Variants in NLGN1 observed in about 807,000 individuals in gnomAD.
NLGN1 encodes neuroligin-1.
In NLGN1, 12 loss-of-function variants were observed where a neutral mutation model predicts 65.5. That is an observed-to-expected ratio of 0.18 (90% CI 0.12 to 0.30). The LOEUF (loss-of-function observed/expected upper bound fraction) is 0.30. NLGN1 is among the 10% of genes least tolerant of loss of function. NLGN1 has a pLI of 1.00. For missense variants in NLGN1, 750 were observed against 1,007.1 expected (o/e 0.74, Z 3.46); for synonymous variants, 350 against 359.5 (o/e 0.97, Z 0.30).
intron 3 of NLGN1, among the ~76,000 whole-genome samples, chr3:173,772,161 A>C (rs1464948828): frequency 6.6e-6 from 1 of 152,274 alleles, no homozygotes; most frequent in African/African-American, 2.4e-5. Flanking sequence ...CCTTTTGTGG[A>C]TGTTAATCAA....
intron 4 of NLGN1, among the ~76,000 whole-genome samples, chr3:174,042,599 C>T (rs530707967): frequency 3.3e-5 from 5 of 152,248 alleles, no homozygotes; most frequent in South Asian, 4.1e-4. Context: ...TGTTCTTTCC[C>T]GATTTTTACC....
At chr3:174,238,857 G>T (rs898147377) in intron 4 of NLGN1, among the ~76,000 whole-genome samples, 1 of 152,018 alleles carries the variant, frequency 6.6e-6, no homozygotes, top group Non-Finnish European at 1.5e-5. Flanking sequence ...ATAATAAGAT[G>T]ATATCAACTG....
chr3:174,263,409 A>G (rs1321994896), intron 4 of NLGN1, among the ~76,000 whole-genome samples: 3 of 149,454 alleles, frequency 2.0e-5, no homozygotes, highest in African/African-American at 7.4e-5. Context: ...AGCTCTTCTT[A>G]TTGAATTGAT....
intron 1 of NLGN1, among the ~76,000 whole-genome samples, chr3:173,420,148 C>T (rs1473148462): frequency 6.6e-6 from 1 of 150,584 alleles, no homozygotes; most frequent in Non-Finnish European, 1.5e-5. Flanking sequence ...CATATGTATA[C>T]ATGTGCCATG....
At chr3:173,976,824 C>T (rs1357925814) in intron 4 of NLGN1, among the ~76,000 whole-genome samples, 1 of 152,038 alleles carries the variant, frequency 6.6e-6, no homozygotes, top group Admixed American at 6.6e-5. Flanking sequence ...TACTTTCTAA[C>T]CTCTTAATAA....
intron 3 of NLGN1, among the ~76,000 whole-genome samples, chr3:173,785,138 C>A (rs924275764): frequency 4.6e-5 from 7 of 152,176 alleles, no homozygotes; most frequent in Admixed American, 2.0e-4. Context: ...AATAATAGTT[C>A]AAAAGCCGCC....
intron 3 of NLGN1, among the ~76,000 whole-genome samples, chr3:173,722,297 G>T (rs951716471): frequency 7.4e-6 from 1 of 134,940 alleles, no homozygotes; most frequent in Admixed American, 8.4e-5. Context: ...AGGCTGGAGT[G>T]CAATGGCGTG....
chr3:174,187,367 CTT>C (rs1040024887), intron 4 of NLGN1, among the ~76,000 whole-genome samples: 2 of 151,988 alleles, frequency 1.3e-5, no homozygotes, highest in Non-Finnish European at 2.9e-5. Context: ...GGATTATTGA[CTT>C]ATAATCTGGA....
intron 4 of NLGN1, among the ~76,000 whole-genome samples, chr3:174,254,093 G>A (rs953490277): frequency 5.9e-5 from 9 of 152,096 alleles, no homozygotes; most frequent in African/African-American, 1.9e-4. Flanking sequence ...CTTGGCGTTG[G>A]TAAACAAGAT....
intron 4 of NLGN1, among the ~76,000 whole-genome samples, chr3:173,977,661 A>G (rs979906783): frequency 6.6e-6 from 1 of 152,000 alleles, no homozygotes; most frequent in East Asian, 1.9e-4. Context: ...AAAAAAATGG[A>G]CAAAGCACAA....
At chr3:173,988,168 C>T (rs1347730779) in intron 4 of NLGN1, among the ~76,000 whole-genome samples, 1 of 151,942 alleles carries the variant, frequency 6.6e-6, no homozygotes, top group Non-Finnish European at 1.5e-5. Flanking sequence ...GACACAAAGG[C>T]CAGTGTAAAC....
chr3:173,899,445 A>G (rs1325540147), intron 4 of NLGN1, among the ~76,000 whole-genome samples: 1 of 152,112 alleles, frequency 6.6e-6, no homozygotes, highest in East Asian at 1.9e-4. Flanking sequence ...CAATTTTTTA[A>G]ACCAATTCTC....
chr3:174,075,988 T>A (rs1413929134), intron 4 of NLGN1, among the ~76,000 whole-genome samples: 1 of 152,152 alleles, frequency 6.6e-6, no homozygotes. Context: ...CTAGGCGACA[T>A]CACTTTATTT....
Position 174,211,142 on chromosome 3 carries a change from C to T in NLGN1, c.647-64173C>T, listed in dbSNP as rs530562585. On this transcript the variant is annotated intron_variant, in intron 4 of 6. Transcript: ENST00000457714. ...TGAGTGTTACAGCTCATAAAAGCAG[C>T]GTGAACCCAAAGAGTGAGAAGTAGC... 3.3e-5 allele frequency among the ~76,000 whole-genome samples: 5 copies of T among 152,270 alleles called. No homozygotes were observed. In the South Asian group the frequency reaches 6.2e-4, roughly 19 times the overall value.
intron 4 of NLGN1, among the ~76,000 whole-genome samples, chr3:173,919,698 CTATAT>C (rs1489184133): frequency 6.6e-6 from 1 of 152,026 alleles, no homozygotes. Context: ...TTAAGGATTT[CTATAT>C]TATATTAAAT....
chr3:173,495,175 T>C (rs1387018235), intron 2 of NLGN1, among the ~76,000 whole-genome samples: 1 of 151,782 alleles, frequency 6.6e-6, no homozygotes, highest in Non-Finnish European at 1.5e-5. Flanking sequence ...CAGCAATGCT[T>C]TTATCATTTT....
At chr3:174,265,783 G>GTATATATA (rs1168048305) in intron 4 of NLGN1, among the ~76,000 whole-genome samples, 25 of 128,502 alleles carry the variant, frequency 1.9e-4, no homozygotes, top group African/African-American at 7.2e-4. Flanking sequence ...ATATATATAT[G>GTATATATA]TATATATATA....
At chr3:173,502,662 C>A (rs1019191125) in intron 2 of NLGN1, among the ~76,000 whole-genome samples, 1 of 152,052 alleles carries the variant, frequency 6.6e-6, no homozygotes, top group Non-Finnish European at 1.5e-5. Flanking sequence ...AAATTAGGTA[C>A]TACAAGACAT....
At chr3:174,086,782 A>AT (rs565052259) in intron 4 of NLGN1, among the ~76,000 whole-genome samples, 4 of 152,036 alleles carry the variant, frequency 2.6e-5, no homozygotes, top group Non-Finnish European at 4.4e-5. Context: ...TGTAACATTT[A>AT]TTTTTTTCTT....
Sources: gnomAD v4.1 joint callset for allele counts (sites outside exome capture counted in the v4.1 genomes callset) on GRCh38, gnomAD v4.1.1 for gene constraint, MANE v1.5 for transcripts, NCBI Gene and HGNC (gene_info 2026-07-23, HGNC 2026-07-21) for gene names.